CACNA1A: variants seen among roughly 807,000 people sequenced by gnomAD.
CACNA1A encodes voltage-dependent P/Q-type calcium channel subunit alpha-1A.
Under a neutral mutation model 262.4 loss-of-function variants are expected in CACNA1A, and 57 were observed. That is an observed-to-expected ratio of 0.22 (90% CI 0.18 to 0.27). The LOEUF is 0.27. CACNA1A is among the 10% of genes least tolerant of loss of function. The pLI is 1.00. For missense variants in CACNA1A, 2,526 were observed against 3,562.8 expected, an observed-to-expected ratio of 0.71 and a Z score of 7.41; for synonymous variants, 1,431 against 1,419.3, an observed-to-expected ratio of 1.01 and a Z score of -0.18.
chr19:13,352,226 T>C (rs1039818634), intron 6 of CACNA1A, among the ~76,000 whole-genome samples: 1 of 152,004 alleles, frequency 6.6e-6, no homozygotes, highest in Non-Finnish European at 1.5e-5. Context: ...GCCAACATGA[T>C]GAAACCCCAT....
chr19:13,230,045 G>T (rs1267713163), intron 36 of CACNA1A, 37 bp downstream of exon 36: 3 of 1,605,674 alleles, frequency 1.9e-6, no homozygotes, highest in South Asian at 2.2e-5. Flanking sequence ...AGGGAGAGGT[G>T]AGTATTGTGG....
intron 38 of CACNA1A, among the ~76,000 whole-genome samples, chr19:13,224,459 C>A (rs1314984199): frequency 1.3e-5 from 2 of 149,036 alleles, no homozygotes; most frequent in Non-Finnish European, 3.0e-5. Context: ...CGCACTGCTG[C>A]CTGGGCAACA....
intron 3 of CACNA1A, chr19:13,450,206 T>C (rs2144922977): frequency 6.6e-6 from 1 of 151,510 alleles, no homozygotes; most frequent in Non-Finnish European, 1.5e-5. Flanking sequence ...ATTACTTCTC[T>C]ATCCCCAATT....
At chr19:13,224,098 T>TCGAGACCAGAGG (rs2055341307) in intron 38 of CACNA1A, among the ~76,000 whole-genome samples, 1 of 151,508 alleles carries the variant, frequency 6.6e-6, no homozygotes, top group African/African-American at 2.4e-5. Context: ...GGTCAGGAGT[T>TCGAGACCAGAGG]TGAGACCAGA....
At chr19:13,454,695 A>C (rs1417495005) in intron 2 of CACNA1A, among the ~76,000 whole-genome samples, 1 of 152,112 alleles carries the variant, frequency 6.6e-6, no homozygotes, top group Non-Finnish European at 1.5e-5. Flanking sequence ...TAACATTAAC[A>C]ATGTTCATTT....
rs1164678494 is a variant in CACNA1A, at chr19:13,469,460, C to CT, written c.294-14249dup. ...CCAGCATCCTTGTCTTGAACCACCTCTTTTTTTTTTTTTTTTTTTTTTTTT... is the reference window on the plus strand; with the variant it reads ...CCAGCATCCTTGTCTTGAACCACCTCTTTTTTTTTTTTTTTTTTTTTTTTTT... On this transcript the variant is annotated intron_variant, in intron 1 of 46. Transcript: ENST00000360228. Among the ~76,000 whole-genome samples, 622 of 62,208 alleles carry CT rather than the reference C, an allele frequency of 1.0e-2. 109 individuals carry two copies. The highest frequency in any genetic ancestry group is 0.014 in the Non-Finnish European group (467 of 33,372). The allele number at this position is 62,208 out of a possible 152,430, so 40.8% of individuals were successfully genotyped here. A position where few individuals can be genotyped will look rare whatever the true frequency, so the allele number is the denominator to read the frequency against.
intron 1 of CACNA1A, among the ~76,000 whole-genome samples, chr19:13,456,476 T>C (rs1482794917): frequency 1.3e-5 from 2 of 151,682 alleles, no homozygotes; most frequent in Non-Finnish European, 2.9e-5. Context: ...ATCGAGACCA[T>C]CCTGGCTAAC....
At chr19:13,257,928 C>G (rs373779969) in intron 27 of CACNA1A, 15 of 162,090 alleles carry the variant, frequency 9.3e-5, no homozygotes, top group Non-Finnish European at 1.6e-4. Flanking sequence ...TTAGTAGAGA[C>G]GGGGTTTCAC....
At chr19:13,312,550 A>G (rs2058054861) in intron 12 of CACNA1A, 119 bp downstream of exon 12, 1 of 636,562 alleles carries the variant, frequency 1.6e-6, no homozygotes, top group African/African-American at 2.0e-5. Flanking sequence ...TTCCTTCTGC[A>G]TCCATCTGAG....
chr19:13,323,446 TC>T (rs2058295941), intron 10 of CACNA1A, among the ~76,000 whole-genome samples: 1 of 152,124 alleles, frequency 6.6e-6, no homozygotes, highest in African/African-American at 2.4e-5. Context: ...TATGTTCAGA[TC>T]CTTTGCACAT....
intron 1 of CACNA1A, among the ~76,000 whole-genome samples, chr19:13,504,466 C>G (rs1463562102): frequency 6.6e-6 from 1 of 152,094 alleles, no homozygotes; most frequent in African/African-American, 2.4e-5. Flanking sequence ...ATCCCAGCAC[C>G]CAGGATCCAA....
rs774256822 is a variant in CACNA1A at position 13,299,090 on chromosome 19, C to T, written c.2543G>A (p.Arg848His). The change falls in exon 19 of 47, where the codon CGC becomes CAC. Residue 848 changes from arginine to histidine, a missense_variant. Physicochemically the swap from Arg to His is conservative, Grantham distance 29. This residue lies in a region of CACNA1A where 765 missense variants were observed against 748.6 expected (regional missense o/e 1.02). Transcript: ENST00000360228. ...SRAAEPTVDQ[R>H]LGQQRAEDFL... is the part of the protein sequence containing the mutation. ...GTCCTCGGCGCGCTGCTGGCCGAGG[C>T]GCTGGTCCACGGTGGGCTCGGCCGC... 1 of 1,611,142 alleles carries T rather than the reference C, an allele frequency of 6.2e-7. No homozygotes were observed. The highest frequency in any genetic ancestry group is 8.5e-7 in the Non-Finnish European group (1 of 1,179,550).
chr19:13,493,140 CG>C (rs1221257796), intron 1 of CACNA1A, among the ~76,000 whole-genome samples: 1 of 152,160 alleles, frequency 6.6e-6, no homozygotes, highest in African/African-American at 2.4e-5. Context: ...ACGAATCTGT[CG>C]GTAGCAAGCC....
chr19:13,278,585 A>G (rs905423413), intron 22 of CACNA1A, among the ~76,000 whole-genome samples: 1 of 152,084 alleles, frequency 6.6e-6, no homozygotes, highest in African/African-American at 2.4e-5. Context: ...CACTCCCTGA[A>G]CATTTGTTGT....
chr19:13,425,872 G>A (rs982922133), intron 3 of CACNA1A, among the ~76,000 whole-genome samples: 9 of 152,018 alleles, frequency 5.9e-5, no homozygotes, highest in Admixed American at 2.6e-4. Flanking sequence ...CCTGGCCAAC[G>A]TGGTGAAACC....
rs765769753 is a variant in CACNA1A, at chr19:13,214,352, T to C, written c.5840-19A>G. On this transcript the variant is annotated intron_variant, in intron 39 of 46. Coordinates refer to ENST00000360228, the MANE Select transcript of CACNA1A (RefSeq NM_001127222.2). The surrounding 1 kb of genome is among the most constrained non-coding windows in gnomAD (Gnocchi z 4.1). The stretch of plus-strand genomic sequence containing the variant: ...TCCGTGGCTGGGGGCACACACACGG[T>C]GAGCTCACCAAGGGCAGGCCTCTTT... 3 of 1,610,386 alleles carry C rather than the reference T, an allele frequency of 1.9e-6. No individual in the cohort carries two copies. The Admixed American group carries it at 5.0e-5, about 27-fold the overall frequency.
chr19:13,283,435 C>T, intron 21 of CACNA1A, 39 bp from the exon 22 acceptor site: 1 of 1,612,782 alleles, frequency 6.2e-7, no homozygotes, highest in South Asian at 1.1e-5. Context: ...TCCACTCAGA[C>T]CACAGGCTCA....
rs1568415347 is a variant in CACNA1A at position 13,207,393 on chromosome 19, CGT to C, written c.7439_7440del (p.His2480ArgfsTer22). 1 of 1,540,192 alleles carries C rather than the reference CGT, an allele frequency of 6.5e-7. No individual in the cohort carries two copies. Among genetic ancestry groups the C allele is most frequent in the East Asian group, 2.4e-5 (1 of 41,006 alleles). ...RRLPNGYYPAHGLARPRGPGS... is the reference protein window; with the variant it reads ...RRLPNGYYPAXGLARPRGPGS... Reference sequence around the variant, plus strand: ...CCCGGCCCGCGGGGCCTGGCCAGTCCGTGCGCCGGGTAGTAGCCGTTGGGGAG... The same window carrying C: ...CCCGGCCCGCGGGGCCTGGCCAGTCCGCGCCGGGTAGTAGCCGTTGGGGAG... On this transcript the variant is annotated frameshift_variant, in exon 47 of 47. Transcript: ENST00000360228. LOFTEE classifies it high-confidence loss of function. The surrounding 1 kb of genome is among the most constrained non-coding windows in gnomAD (Gnocchi z 5.7).
chr19:13,246,782 C>T (rs367579335), intron 30 of CACNA1A, among the ~76,000 whole-genome samples: 33 of 152,240 alleles, frequency 2.2e-4, no homozygotes, highest in South Asian at 6.2e-4. Flanking sequence ...CCCACCACCA[C>T]GCCTGGCTAA....
Sources: allele counts gnomAD v4.1 joint callset (sites outside exome capture counted in the v4.1 genomes callset), GRCh38; gene constraint gnomAD v4.1.1; regional missense constraint gnomAD v4.1.1; non-coding constraint Gnocchi (gnomAD v3.1); transcripts MANE v1.5; gene names NCBI Gene and HGNC (gene_info 2026-07-23, HGNC 2026-07-21).